Variants in CDH6 observed in about 807,000 individuals in gnomAD.
CDH6 encodes cadherin 6, also known as cadherin-6.
CDH6 carries 31 observed loss-of-function variants against 78.0 expected under a neutral mutation model. The ratio of observed to expected loss-of-function variants is 0.40; its 90% confidence interval spans 0.30 to 0.54. CDH6 has a LOEUF of 0.54. Ranked by LOEUF, CDH6 falls within the 20% of genes least tolerant of loss-of-function variation. The probability of loss-of-function intolerance (pLI) is 0.56; values close to 1 mark genes in which losing one functional copy is unlikely to be tolerated. For synonymous variants in CDH6, 376 were observed against 368.8 expected (o/e 1.02, Z -0.23); for missense variants, 724 against 975.9 (o/e 0.74, Z 3.44).
At chr5:31,297,525 C>T in intron 4 of CDH6, 117 bp downstream of exon 4, 1 of 689,556 alleles carries the variant, frequency 1.5e-6, no homozygotes, top group Non-Finnish European at 2.4e-6. Flanking sequence ...CATACATCCA[C>T]CAAACACTAA....
At chr5:31,301,749 T>C (rs780437320) in intron 5 of CDH6, among the ~76,000 whole-genome samples, 64 of 152,310 alleles carry the variant, frequency 4.2e-4, no homozygotes, top group Non-Finnish European at 8.7e-4. Context: ...AAAGTCGCAG[T>C]TCAGATTAAA....
intron 2 of CDH6, among the ~76,000 whole-genome samples, chr5:31,281,871 G>A (rs1029899217): frequency 3.3e-5 from 5 of 152,082 alleles, no homozygotes; most frequent in Non-Finnish European, 5.9e-5. Flanking sequence ...CTGGCTCTGC[G>A]CTTAACTTTG....
chr5:31,204,257 G>A (rs1046389181), intron 1 of CDH6, among the ~76,000 whole-genome samples: 32 of 152,038 alleles, frequency 2.1e-4, no homozygotes, highest in African/African-American at 6.3e-4. Context: ...TTTTCTTCTT[G>A]AGTTTAAATG....
At position 31,299,507 on chromosome 5, in the gene CDH6, G is replaced by A. The variant is rs1165080369; in HGVS notation, c.687G>A (p.Arg229=). The A allele has an allele frequency of 6.8e-6, 11 of 1,613,442 alleles. No individual in the cohort carries two copies. Among genetic ancestry groups the A allele is most frequent in the Non-Finnish European group, 9.3e-6 (11 of 1,179,760 alleles). Residue 229 remains arginine, a synonymous_variant, in exon 5 of 12, where the codon AGG becomes AGA. Transcript: ENST00000265071. ...TGCTCAACATGGATCGAGAAAACAG[G>A]GAGCAGTACCAAGTGGTGATTCAAG... is the stretch of plus-strand genomic sequence containing the variant. ...TALLNMDREN[R]EQYQVVIQAK... is the part of the protein sequence containing the mutation.
chr5:31,259,103 A>T (rs1484966894), intron 1 of CDH6, among the ~76,000 whole-genome samples: 2 of 152,234 alleles, frequency 1.3e-5, no homozygotes, highest in African/African-American at 4.8e-5. Context: ...GGTGCCTAGC[A>T]CATAACAAGT....
chr5:31,199,498 ATATGTG>A (rs1397428028), intron 1 of CDH6, among the ~76,000 whole-genome samples: 1 of 102,944 alleles, frequency 9.7e-6, no homozygotes, highest in Non-Finnish European at 2.2e-5. Context: ...GTACACACAC[ATATGTG>A]TATATATATG....
At chr5:31,264,688 A>G (rs950904246) in intron 1 of CDH6, among the ~76,000 whole-genome samples, 3 of 152,256 alleles carry the variant, frequency 2.0e-5, no homozygotes, top group Admixed American at 6.5e-5. Flanking sequence ...CATATTGATC[A>G]TAGTAATTCA....
intron 1 of CDH6, among the ~76,000 whole-genome samples, chr5:31,255,108 G>A (rs1742021966): frequency 6.6e-6 from 1 of 152,148 alleles, no homozygotes; most frequent in African/African-American, 2.4e-5. Context: ...ATTCTACCAT[G>A]GAATAACTGA....
Position 31,323,209 on chromosome 5 carries a change from G to T in CDH6, c.2274G>T (p.Thr758=). ...DSLSSLESVT[T]DADQDYDYLS... is the part of the protein sequence containing the mutation. Reference sequence around the variant, plus strand: ...TGAGCTCGCTGGAGTCAGTGACCACGGATGCAGATCAAGACTATGATTACC... The same window carrying T: ...TGAGCTCGCTGGAGTCAGTGACCACTGATGCAGATCAAGACTATGATTACC... The change falls in exon 12 of 12, where the codon ACG becomes ACT. Residue 758 remains threonine (T), a synonymous_variant. Coordinates refer to ENST00000265071, the MANE Select transcript of CDH6 (RefSeq NM_004932.4). 6.2e-7 allele frequency: 1 copy of T among 1,614,168 alleles called. No homozygotes were observed. The highest frequency in any genetic ancestry group is 2.2e-5 in the East Asian group (1 of 44,890).
rs1215491153 is a variant in CDH6, at chr5:31,265,906, CT to C, written c.-128-1439del. ...TCTCCTGCCTCAGCCTCCCAAGTAG[CT>C]GGGACTACAGGTGCCCGCCACCACG... On this transcript the variant is annotated intron_variant, in intron 1 of 11. Coordinates refer to ENST00000265071, the MANE Select transcript of CDH6 (RefSeq NM_004932.4). Among the ~76,000 whole-genome samples the C allele has an allele frequency of 1.5e-3, 225 of 150,726 alleles. 1 individual carries two copies. Among genetic ancestry groups the C allele is most frequent in the Middle Eastern group, 0.01 (3 of 290 alleles).
chr5:31,221,503 T>C (rs931704339), intron 1 of CDH6, among the ~76,000 whole-genome samples: 7 of 152,236 alleles, frequency 4.6e-5, no homozygotes, highest in Non-Finnish European at 1.0e-4. Flanking sequence ...GAAGATTTTA[T>C]CTTTTTTTCA....
intron 1 of CDH6, among the ~76,000 whole-genome samples, chr5:31,198,933 A>C (rs115376393): frequency 6.6e-6 from 1 of 152,124 alleles, no homozygotes; most frequent in Admixed American, 6.5e-5. Context: ...AACTGGAGGA[A>C]TATCTTTTTC....
chr5:31,317,719 C>A lies in CDH6; in HGVS notation c.1677C>A (p.His559Gln), dbSNP rs201909616. 43 of 1,613,900 alleles carry A rather than the reference C, an allele frequency of 2.7e-5. No homozygotes were observed. Among genetic ancestry groups the A allele is most frequent in the Non-Finnish European group, 1.0e-5 (12 of 1,179,934 alleles). Reference protein sequence around the residue: ...ILTRKNGYNRHEMSTYLLPVV... With the variant: ...ILTRKNGYNRQEMSTYLLPVV... ...CTCGGAAAAATGGCTATAATAGACA[C>A]GAGATGAGCACCTATCTCTTGCCTG... Residue 559 changes from histidine (H) to glutamine (Q), a missense_variant, in exon 11 of 12, where the codon CAC becomes CAA. By Grantham distance (24) the His-to-Gln change is conservative (BLOSUM62 0). Coordinates refer to ENST00000265071, the MANE Select transcript of CDH6 (RefSeq NM_004932.4).
At chr5:31,289,028 A>T (rs1366876897) in intron 2 of CDH6, among the ~76,000 whole-genome samples, 1 of 152,102 alleles carries the variant, frequency 6.6e-6, no homozygotes, top group Non-Finnish European at 1.5e-5. Context: ...TTACGTGAGT[A>T]TTACACGTGT....
intron 1 of CDH6, among the ~76,000 whole-genome samples, chr5:31,248,153 T>A (rs1185729739): frequency 6.6e-6 from 1 of 152,216 alleles, no homozygotes; most frequent in Admixed American, 6.5e-5. Flanking sequence ...GCTTTCTTCC[T>A]AATGATATTA....
intron 1 of CDH6, among the ~76,000 whole-genome samples, chr5:31,218,344 T>C (rs533590538): frequency 6.1e-4 from 93 of 152,248 alleles, no homozygotes; most frequent in African/African-American, 2.1e-3. Flanking sequence ...GTCTCAAAGA[T>C]TTATAGTTAA....
At chr5:31,255,420 T>G (rs1008058977) in intron 1 of CDH6, among the ~76,000 whole-genome samples, 1 of 152,240 alleles carries the variant, frequency 6.6e-6, no homozygotes, top group African/African-American at 2.4e-5. Flanking sequence ...TGGCAAGTGT[T>G]TAGTAAACAT....
At position 31,266,652 on chromosome 5, in the gene CDH6, T is replaced by A. The variant is rs1421399563; in HGVS notation, c.-128-694T>A. 2.0e-5 allele frequency among the ~76,000 whole-genome samples: 3 copies of A among 152,196 alleles called. No individual in the cohort carries two copies. In the East Asian group the frequency reaches 5.8e-4, roughly 29 times the overall value. ...GTCCTCTAAGGAAAAAAAAAAAAGT[T>A]TTCTGGTCAAGTTTGGGAAATGCTG... On this transcript the variant is annotated intron_variant, in intron 1 of 11. Transcript: ENST00000265071.
intron 2 of CDH6, among the ~76,000 whole-genome samples, chr5:31,280,303 G>A (rs1320551409): frequency 6.6e-6 from 1 of 152,198 alleles, no homozygotes; most frequent in Non-Finnish European, 1.5e-5. Context: ...ATTGTGTCGA[G>A]CTTTACAGCT....
Sources: allele counts gnomAD v4.1 joint callset (sites outside exome capture counted in the v4.1 genomes callset), GRCh38; gene constraint gnomAD v4.1.1; transcripts MANE v1.5; gene names NCBI Gene and HGNC (gene_info 2026-07-23, HGNC 2026-07-21).